KPNA7: variants seen among roughly 807,000 people sequenced by gnomAD.
KPNA7 encodes the protein importin subunit alpha-8.
A neutral mutation model predicts 53.7 loss-of-function variants in KPNA7; 54 were observed. The observed-to-expected ratio is 1.01, with a 90% CI of 0.81 to 1.26. The LOEUF (loss-of-function observed/expected upper bound fraction) is 1.26, where lower values mean the gene tolerates loss of function less well. Among genes scored for constraint, KPNA7 ranks in the 50% most tolerant of loss-of-function variants. The pLI is 0.00. For synonymous variants in KPNA7, 276 were observed against 259.3 expected, an observed-to-expected ratio of 1.06 and a Z score of -0.62; for missense variants, 640 against 644.5, an observed-to-expected ratio of 0.99 and a Z score of 0.07.
intron 9 of KPNA7, 142 bp from the exon 10 acceptor site, chr7:99,178,208 T>C (rs1186764673): frequency 1.3e-5 from 9 of 704,536 alleles, no homozygotes; most frequent in Non-Finnish European, 2.1e-5. Flanking sequence ...AATTTCACTT[T>C]TCCCAAATTG....
At chr7:99,153,057 T>C in the KPNA7 span, among the ~76,000 whole-genome samples, 1 of 152,162 alleles carries the variant, frequency 6.6e-6, no homozygotes, top group Non-Finnish European at 1.5e-5. Flanking sequence ...CTTAGGAGAA[T>C]GCTTACCTCG....
intron 2 of KPNA7, among the ~76,000 whole-genome samples, chr7:99,204,605 G>A (rs939883423): frequency 5.9e-5 from 9 of 152,120 alleles, no homozygotes; most frequent in Non-Finnish European, 1.0e-4. Context: ...GCCGGGCACC[G>A]TGGCTCCCAC....
chr7:99,184,846 C>T (rs1277034719), intron 8 of KPNA7, 83 bp downstream of exon 8: 2 of 1,156,960 alleles, frequency 1.7e-6, no homozygotes, highest in African/African-American at 1.5e-5. Flanking sequence ...TGCTTCTGCA[C>T]CTGTGTCTGG....
At chr7:99,193,644 G>A (rs1790075436) in intron 5 of KPNA7, among the ~76,000 whole-genome samples, 1 of 151,968 alleles carries the variant, frequency 6.6e-6, no homozygotes, top group African/African-American at 2.4e-5. Context: ...TTCTCTAATA[G>A]GCACTTTTTC....
Position 99,195,315 on chromosome 7 carries a change from T to C in KPNA7, c.308A>G (p.Asn103Ser), listed in dbSNP as rs776953285. The C allele has an allele frequency of 1.3e-5, 20 of 1,550,752 alleles. No individual in the cohort carries two copies. The East Asian group carries it at 4.6e-4, about 36-fold the overall frequency. Residue 103 changes from asparagine to serine, a missense_variant, in exon 5 of 11, where the codon AAC becomes AGC. Coordinates refer to ENST00000327442, the MANE Select transcript of KPNA7 (RefSeq NM_001145715.3). ...TTCAATGACCAGTTTCAGAGGGGGG[T>C]TCTTTTCCTGGGATAGCATTTTCCT... ...TARKMLSQEK[N>S]PPLKLVIEAG... is the part of the protein sequence containing the mutation.
At chr7:99,214,170 C>A (rs1791144553) in intron 1 of KPNA7, among the ~76,000 whole-genome samples, 1 of 151,864 alleles carries the variant, frequency 6.6e-6, no homozygotes, top group African/African-American at 2.4e-5. Context: ...TGGCTCACAC[C>A]TGTAATCCCA....
chr7:99,172,859 TTGAGACCAGCCTGGTCAACA>T (rs1224304196), downstream of KPNA7, among the ~76,000 whole-genome samples: 2 of 151,932 alleles, frequency 1.3e-5, no homozygotes, highest in African/African-American at 4.8e-5. Context: ...GGTCATGAGT[TTGAGACCAGCCTGGTCAACA>T]TGGTGAAACC....
chr7:99,168,661 G>A (rs1447708782), downstream of KPNA7, among the ~76,000 whole-genome samples: 2 of 152,054 alleles, frequency 1.3e-5, no homozygotes, highest in Non-Finnish European at 2.9e-5. Context: ...GCCCCATCCA[G>A]CTAATTTTTT....
chr7:99,207,323 G>A (rs1021143669), intron 2 of KPNA7, 78 bp downstream of exon 2: 87 of 1,229,690 alleles, frequency 7.1e-5, no homozygotes, highest in Middle Eastern at 4.0e-4. Flanking sequence ...ATGAGCCACC[G>A]CGCCTGGTCT....
At chr7:99,211,955 T>G (rs868641246), upstream of KPNA7, among the ~76,000 whole-genome samples, 1 of 152,116 alleles carries the variant, frequency 6.6e-6, no homozygotes, top group Non-Finnish European at 1.5e-5. Flanking sequence ...TCTCAATCAT[T>G]GTGAGTCATG....
In KPNA7 at chr7:99,188,498, A is replaced by G; in HGVS notation, c.702T>C (p.Pro234=). The part of the protein sequence containing the change: ...SNLCRNKNPY[P]CDTAVKQILP... ...GTATCTGCTTCACCGCAGTGTCGCA[A>G]GGGTATGGGTTCTTGTTTCGGCACA... Residue 234 remains proline (P), a synonymous_variant, in exon 7 of 11, where the codon CCT becomes CCC. Coordinates refer to ENST00000327442, the MANE Select transcript of KPNA7 (RefSeq NM_001145715.3). 1 of 1,551,720 alleles carries G rather than the reference A, an allele frequency of 6.4e-7. No individual in the cohort carries two copies. The highest frequency in any genetic ancestry group is 8.7e-7 in the Non-Finnish European group (1 of 1,147,008).
chr7:99,184,787 A>C, intron 8 of KPNA7, 142 bp downstream of exon 8: 1 of 701,508 alleles, frequency 1.4e-6, no homozygotes, highest in Non-Finnish European at 2.4e-6. Flanking sequence ...CCTTTTTTTC[A>C]GGCAAAGCTA....
chr7:99,162,160 C>T, the KPNA7 span, among the ~76,000 whole-genome samples: 1,254 of 151,252 alleles, frequency 8.3e-3, 20 homozygotes, highest in African/African-American at 0.029. Flanking sequence ...ATTCTCCAAC[C>T]TTGCCTCCCG....
At chr7:99,177,608 G>T (rs1489075390) in intron 10 of KPNA7, among the ~76,000 whole-genome samples, 1 of 136,746 alleles carries the variant, frequency 7.3e-6, no homozygotes, top group African/African-American at 2.7e-5. Context: ...AGTCACTTCA[G>T]CATCAAATCC....
At chr7:99,200,469 A>C (rs975944548) in intron 3 of KPNA7, among the ~76,000 whole-genome samples, 1 of 152,164 alleles carries the variant, frequency 6.6e-6, no homozygotes, top group Non-Finnish European at 1.5e-5. Context: ...TTCCTCATAG[A>C]GTAATATTCA....
chr7:99,182,173 T>C, intron 8 of KPNA7, 108 bp from the exon 9 acceptor site: 2 of 741,584 alleles, frequency 2.7e-6, no homozygotes, highest in Non-Finnish European at 4.2e-6. Context: ...GGACTGCATG[T>C]ACAATTTACA....
intron 9 of KPNA7, among the ~76,000 whole-genome samples, chr7:99,178,864 T>G (rs1164772389): frequency 7.4e-6 from 1 of 135,538 alleles, no homozygotes; most frequent in Non-Finnish European, 1.6e-5. Flanking sequence ...CTCACTACTC[T>G]CCCCACCTCC....
intron 1 of KPNA7, among the ~76,000 whole-genome samples, 152 bp downstream of exon 1, chr7:99,207,876 C>T (rs994596780): frequency 4.0e-5 from 6 of 151,566 alleles, no homozygotes; most frequent in East Asian, 3.9e-4. Context: ...CCTTGTGATC[C>T]GCCCACCTCG....
intron 9 of KPNA7, among the ~76,000 whole-genome samples, 183 bp from the exon 10 acceptor site, chr7:99,178,249 T>C (rs116001021): frequency 0.023 from 3,499 of 152,180 alleles, 136 homozygotes; most frequent in African/African-American, 0.081. Flanking sequence ...CCTCCCACTT[T>C]AGGTATCCAC....
Sources: gnomAD v4.1 joint callset for allele counts (sites outside exome capture counted in the v4.1 genomes callset) on GRCh38, gnomAD v4.1.1 for gene constraint, MANE v1.5 for transcripts, NCBI Gene and HGNC (gene_info 2026-07-23, HGNC 2026-07-21) for gene names.